Variants in COG3 observed in about 807,000 individuals in gnomAD.
COG3 encodes conserved oligomeric Golgi complex subunit 3.
In COG3, 32 loss-of-function variants were observed where a neutral mutation model predicts 114.1. The observed-to-expected ratio is 0.28, with a 90% CI of 0.21 to 0.38. The LOEUF is 0.38. Among genes scored for constraint, COG3 ranks in the 10% least tolerant of loss-of-function variants. COG3 has a pLI of 1.00. For missense variants in COG3, 813 were observed against 973.2 expected (o/e 0.84, Z 2.19); for synonymous variants, 352 against 365.7 (o/e 0.96, Z 0.43).
intron 9 of COG3, 65 bp downstream of exon 9, chr13:45,491,023 A>G (rs1242572345): frequency 1.9e-6 from 2 of 1,047,020 alleles, no homozygotes; most frequent in Non-Finnish European, 2.9e-6. Flanking sequence ...GTTTTTCCAA[A>G]TCTGGATCTC....
chr13:45,496,082 C>G (rs1868727896), intron 12 of COG3, 70 bp from the exon 13 acceptor site: 1 of 1,472,968 alleles, frequency 6.8e-7, no homozygotes, highest in African/African-American at 1.4e-5. Flanking sequence ...AATTTAGTAA[C>G]ATCTTTGCTT....
chr13:45,479,187 ATT>A, intron 3 of COG3, 121 bp downstream of exon 3: 1 of 687,806 alleles, frequency 1.5e-6, no homozygotes, highest in South Asian at 1.9e-5. Context: ...ACAGCCATAT[ATT>A]CTTTAAGAAT....
At chr13:45,519,183 G>A (rs986677797) in intron 19 of COG3, 89 bp downstream of exon 19, 21 of 1,423,052 alleles carry the variant, frequency 1.5e-5, no homozygotes, top group Non-Finnish European at 1.7e-5. Context: ...AACTCTGGCA[G>A]AAGGAGATAT....
Position 45,535,838 on chromosome 13 carries a change from T to C in COG3, c.*1107T>C. On this transcript the variant is annotated 3_prime_UTR_variant, in exon 23 of 23. Coordinates refer to ENST00000349995, the MANE Select transcript of COG3 (RefSeq NM_031431.4). ...AACAAATTCCTACTTCCTGATTGGA[T>C]TGGTTTTGCCGCTGATGTTAAGGCA... is the stretch of plus-strand genomic sequence containing the variant. The C allele has an allele frequency of 2.0e-6, 2 of 987,592 alleles. No individual in the cohort carries two copies. Among genetic ancestry groups the C allele is most frequent in the Non-Finnish European group, 2.4e-6 (2 of 830,108 alleles). 61.2% of individuals were successfully genotyped at this position (987,592 alleles called of 1,614,324 possible). A position where few individuals can be genotyped will look rare whatever the true frequency, so the allele number is the denominator to read the frequency against.
intron 14 of COG3, among the ~76,000 whole-genome samples, chr13:45,506,681 G>A (rs1018672192): frequency 3.3e-5 from 5 of 152,150 alleles, no homozygotes; most frequent in African/African-American, 1.2e-4. Flanking sequence ...GATAGAACTT[G>A]GGGTGGAAAG....
intron 19 of COG3, 57 bp from the exon 20 acceptor site, chr13:45,524,919 C>T: frequency 1.5e-6 from 2 of 1,304,506 alleles, no homozygotes; most frequent in Non-Finnish European, 2.2e-6. Context: ...AGAGCAGTAC[C>T]AGTTTAATTT....
intron 16 of COG3, among the ~76,000 whole-genome samples, chr13:45,513,264 AT>A (rs1871111822): frequency 4.4e-5 from 2 of 45,950 alleles, no homozygotes; most frequent in Non-Finnish European, 8.2e-5. Flanking sequence ...ATATATACAT[AT>A]AAATTATATA....
In COG3 at chr13:45,529,912, T is replaced by C; in HGVS notation, c.2352T>C (p.Pro784=). 6.2e-7 allele frequency: 1 copy of C among 1,606,902 alleles called. No individual in the cohort carries two copies. Among genetic ancestry groups the C allele is most frequent in the Non-Finnish European group, 8.5e-7 (1 of 1,177,820 alleles). Residue 784 remains proline, a synonymous_variant, in exon 21 of 23, where the codon CCT becomes CCC. Transcript: ENST00000349995. ...NKDTEFILFK[P]VRNNIQQVFQ... is the part of the protein sequence containing the mutation. ...ATACCGAGTTCATCTTGTTTAAACCTGTGAGGGTGAGTATCAGATAACTCA... is the reference window on the plus strand; with the variant it reads ...ATACCGAGTTCATCTTGTTTAAACCCGTGAGGGTGAGTATCAGATAACTCA...
chr13:45,535,902 A>G lies in COG3; in HGVS notation c.*1171A>G. The G allele has an allele frequency of 1.0e-6, 1 of 986,812 alleles. No homozygotes were observed. The highest frequency in any genetic ancestry group is 1.2e-6 in the Non-Finnish European group (1 of 829,400). The allele number at this position is 986,812 out of a possible 1,614,324, so 61.1% of individuals were successfully genotyped here. ...TTCAAAAAGAATTCTGAGTTTTTCA[A>G]ACACTAGTCTAGAGGTGGACATTGT... On this transcript the variant is annotated 3_prime_UTR_variant, in exon 23 of 23. Coordinates refer to ENST00000349995, the MANE Select transcript of COG3 (RefSeq NM_031431.4).
At chr13:45,516,334 GT>G in intron 17 of COG3, 71 bp downstream of exon 17, 1 of 1,311,864 alleles carries the variant, frequency 7.6e-7, no homozygotes, top group Non-Finnish European at 1.0e-6. Context: ...CAGGTTTTAG[GT>G]TTATTTTATG....
intron 8 of COG3, among the ~76,000 whole-genome samples, chr13:45,488,402 A>T (rs1406638006): frequency 6.6e-6 from 1 of 152,230 alleles, no homozygotes; most frequent in Non-Finnish European, 1.5e-5. Context: ...AAGAAATAAT[A>T]CATGTTTGAG....
chr13:45,479,927 A>C (rs1886141284), intron 3 of COG3, among the ~76,000 whole-genome samples, 198 bp from the exon 4 acceptor site: 1 of 152,226 alleles, frequency 6.6e-6, no homozygotes. Flanking sequence ...TTATAGGATT[A>C]GTGATTTGCC....
chr13:45,466,262 C>G (rs1466112580), intron 1 of COG3, among the ~76,000 whole-genome samples: 1 of 152,178 alleles, frequency 6.6e-6, no homozygotes, highest in Non-Finnish European at 1.5e-5. Flanking sequence ...TGTTCTCGAA[C>G]TCCTGACCTC....
chr13:45,534,516 A>G, intron 22 of COG3, 186 bp from the exon 23 acceptor site: 1 of 413,680 alleles, frequency 2.4e-6, no homozygotes, highest in Non-Finnish European at 4.3e-6. Context: ...TTTCCATTCT[A>G]ATTGCTTTAT....
At chr13:45,478,091 ATT>A (rs1349140378) in intron 2 of COG3, among the ~76,000 whole-genome samples, 1 of 152,122 alleles carries the variant, frequency 6.6e-6, no homozygotes, top group Non-Finnish European at 1.5e-5. Context: ...AGGAAGAAAT[ATT>A]CATTTTTTAC....
At chr13:45,528,130 AT>A (rs1309580363) in intron 20 of COG3, among the ~76,000 whole-genome samples, 51 of 152,178 alleles carry the variant, frequency 3.4e-4, no homozygotes, top group Non-Finnish European at 6.8e-4. Flanking sequence ...AATAATATTG[AT>A]TCTTGCAAAA....
At chr13:45,487,943 C>G (rs1886771930) in intron 8 of COG3, among the ~76,000 whole-genome samples, 1 of 152,144 alleles carries the variant, frequency 6.6e-6, no homozygotes. Context: ...GATTGCAGCA[C>G]TATTCGCAAT....
intron 19 of COG3, among the ~76,000 whole-genome samples, chr13:45,519,654 C>T (rs1871900469): frequency 6.6e-6 from 1 of 152,138 alleles, no homozygotes; most frequent in Non-Finnish European, 1.5e-5. Flanking sequence ...AGTGAAACAA[C>T]ATAAAATGAA....
chr13:45,477,135 C>T (rs1409959528), intron 2 of COG3, among the ~76,000 whole-genome samples: 1 of 152,036 alleles, frequency 6.6e-6, no homozygotes, highest in African/African-American at 2.4e-5. Context: ...TTTTTGTGAG[C>T]GTTAAATACG....
Sources: gnomAD v4.1 joint callset for allele counts (sites outside exome capture counted in the v4.1 genomes callset) on GRCh38, gnomAD v4.1.1 for gene constraint, MANE v1.5 for transcripts, NCBI Gene and HGNC (gene_info 2026-07-23, HGNC 2026-07-21) for gene names.